MVB12B: variants seen among roughly 807,000 people sequenced by gnomAD.
The protein encoded by MVB12B is multivesicular body subunit 12B, also known as ESCRT-I complex subunit MVB12B.
A neutral mutation model predicts 41.6 loss-of-function variants in MVB12B; 16 were observed. The observed-to-expected ratio is 0.38, with a 90% CI of 0.26 to 0.58. The LOEUF (loss-of-function observed/expected upper bound fraction) is 0.58. Among genes scored for constraint, MVB12B ranks in the 20% least tolerant of loss-of-function variants. The pLI, the probability that MVB12B is intolerant of heterozygous loss-of-function variation, is 0.62. For missense variants in MVB12B, 274 were observed against 380.2 expected (o/e 0.72, Z 2.32); for synonymous variants, 133 against 139.7 (o/e 0.95, Z 0.34).
chr9:126,392,257 A>G lies in MVB12B; in HGVS notation c.539+62A>G. On this transcript the variant is annotated intron_variant, in intron 5 of 9. Transcript: ENST00000361171. This position sits in a 1 kb window ranked among gnomAD's most constrained non-coding sequence, Gnocchi z 4.8. ...TCCCTGAGAGCACTCAGGCCACTCC[A>G]GGCAATGAGGTCCAAGAGATTTCCA... 6.3e-7 allele frequency: 1 copy of G among 1,589,452 alleles called. No individual in the cohort carries two copies. Among genetic ancestry groups the G allele is most frequent in the Non-Finnish European group, 8.6e-7 (1 of 1,160,896 alleles).
intron 2 of MVB12B, among the ~76,000 whole-genome samples, chr9:126,378,255 C>T (rs559184533): frequency 3.1e-4 from 47 of 152,332 alleles, no homozygotes; most frequent in African/African-American, 8.9e-4. Flanking sequence ...GGTGGAGGCT[C>T]CTCTTGACAC....
At chr9:126,338,182 C>T (rs1564279047) in intron 1 of MVB12B, among the ~76,000 whole-genome samples, 1 of 152,218 alleles carries the variant, frequency 6.6e-6, no homozygotes, top group Non-Finnish European at 1.5e-5. Flanking sequence ...GGCACAGCAG[C>T]TGGGGGGAAG....
chr9:126,410,719 C>A (rs1231766752), intron 6 of MVB12B, among the ~76,000 whole-genome samples: 1 of 152,066 alleles, frequency 6.6e-6, no homozygotes, highest in Non-Finnish European at 1.5e-5. Context: ...GGGCCACTGT[C>A]TAGACTCTTG....
At chr9:126,494,232 A>G (rs886567403) in intron 9 of MVB12B, among the ~76,000 whole-genome samples, 7 of 152,250 alleles carry the variant, frequency 4.6e-5, no homozygotes, top group East Asian at 1.9e-4. Flanking sequence ...CTCCCCAAGC[A>G]TATTAATACG....
rs56078555 is a variant in MVB12B, at chr9:126,406,702, C to T, written c.662+11005C>T. 7.1e-3 allele frequency among the ~76,000 whole-genome samples: 1,076 copies of T among 152,228 alleles called. 12 individuals are homozygous for T. Among genetic ancestry groups the T allele is most frequent in the African/African-American group, 0.024 (1,003 of 41,544 alleles). ...TGGTCCCAGACTTGGCTTTTTTCTT[C>T]ATTTCTTTTATATGGGAGGTCGGTG... On this transcript the variant is annotated intron_variant, in intron 6 of 9. Coordinates refer to ENST00000361171, the MANE Select transcript of MVB12B (RefSeq NM_033446.3).
Position 126,389,884 on chromosome 9 carries a change from T to G in MVB12B, c.410-2182T>G, listed in dbSNP as rs1242830120. 6.6e-6 allele frequency among the ~76,000 whole-genome samples: 1 copy of G among 152,120 alleles called. No individual in the cohort carries two copies. The highest frequency in any genetic ancestry group is 1.5e-5 in the Non-Finnish European group (1 of 68,020). Reference sequence around the variant, plus strand: ...TTAGGGTCTGGATTCAGAACGTTGTTTCTCTCTGCTCGTAGATCTGCTCTA... The same window carrying G: ...TTAGGGTCTGGATTCAGAACGTTGTGTCTCTCTGCTCGTAGATCTGCTCTA... On this transcript the variant is annotated intron_variant, in intron 4 of 9. Transcript: ENST00000361171. This position sits in a 1 kb window ranked among gnomAD's most constrained non-coding sequence, Gnocchi z 4.4.
intron 3 of MVB12B, among the ~76,000 whole-genome samples, chr9:126,383,555 A>G (rs1389030080): frequency 6.6e-6 from 1 of 152,202 alleles, no homozygotes; most frequent in Non-Finnish European, 1.5e-5. Flanking sequence ...ATTACAGTAT[A>G]CTAGCAAATA....
intron 6 of MVB12B, chr9:126,397,282 A>G: frequency 1.0e-6 from 1 of 985,464 alleles, no homozygotes; most frequent in Non-Finnish European, 1.2e-6. Flanking sequence ...TCTCTCAGAT[A>G]AAGCAGAGAG....
At chr9:126,406,303 C>T (rs984696642) in intron 6 of MVB12B, among the ~76,000 whole-genome samples, 2 of 152,242 alleles carry the variant, frequency 1.3e-5, no homozygotes, top group African/African-American at 4.8e-5. Flanking sequence ...CTGTAGCCCA[C>T]ATTCCACCTC....
At chr9:126,409,621 C>T (rs886846040) in intron 6 of MVB12B, among the ~76,000 whole-genome samples, 9 of 152,316 alleles carry the variant, frequency 5.9e-5, no homozygotes, top group Middle Eastern at 3.4e-3. Flanking sequence ...TTTGCCACCA[C>T]GTGGCTCCCG....
chr9:126,327,792 T>C (rs985709889), intron 1 of MVB12B, among the ~76,000 whole-genome samples: 2 of 152,134 alleles, frequency 1.3e-5, no homozygotes, highest in Admixed American at 6.5e-5. Flanking sequence ...ACTCTTCTGT[T>C]CCCTGCCCCT....
At chr9:126,471,223 G>C (rs187752944) in intron 7 of MVB12B, among the ~76,000 whole-genome samples, 3 of 152,296 alleles carry the variant, frequency 2.0e-5, no homozygotes, top group Admixed American at 2.0e-4. Context: ...TCCTGTTGCT[G>C]TCTGATCCCT....
intron 7 of MVB12B, among the ~76,000 whole-genome samples, chr9:126,440,975 G>A (rs1320165709): frequency 6.6e-6 from 1 of 152,212 alleles, no homozygotes; most frequent in Non-Finnish European, 1.5e-5. Context: ...CGGAATTGGT[G>A]GATTGGTTTA....
At chr9:126,371,910 T>C (rs1459698138) in intron 2 of MVB12B, among the ~76,000 whole-genome samples, 1 of 152,200 alleles carries the variant, frequency 6.6e-6, no homozygotes, top group Non-Finnish European at 1.5e-5. Flanking sequence ...AAAGTTCACT[T>C]TTTAAGAGTG....
intron 1 of MVB12B, 101 bp downstream of exon 1, chr9:126,327,111 C>T: frequency 3.6e-6 from 1 of 277,534 alleles, no homozygotes; most frequent in South Asian, 1.2e-4. Context: ...GGCGGGCGGA[C>T]GGGAGGAGCC....
chr9:126,464,318 A>G (rs1400693688), intron 7 of MVB12B, among the ~76,000 whole-genome samples: 1 of 152,266 alleles, frequency 6.6e-6, no homozygotes, highest in Non-Finnish European at 1.5e-5. Context: ...AGAAAGGCCT[A>G]TCACAGATGG....
intron 4 of MVB12B, among the ~76,000 whole-genome samples, chr9:126,387,596 G>A (rs986950139): frequency 6.6e-6 from 1 of 152,166 alleles, no homozygotes; most frequent in Non-Finnish European, 1.5e-5. Context: ...AGACCCCGTT[G>A]TATAGCATAT....
In MVB12B at chr9:126,435,898, C is replaced by T. The variant is rs774746470; in HGVS notation, c.757+13950C>T. ...ACTGTGAAGGGTACGGCTGTAGATG[C>T]GGGGGGACTGCTTGTTTCTTCAGGC... On this transcript the variant is annotated intron_variant, in intron 7 of 9. Coordinates refer to ENST00000361171, the MANE Select transcript of MVB12B (RefSeq NM_033446.3). Among the ~76,000 whole-genome samples, 11 of 152,192 alleles carry T rather than the reference C, an allele frequency of 7.2e-5. No homozygotes were observed. In the South Asian group the frequency reaches 1.4e-3, roughly 20 times the overall value.
At chr9:126,331,409 A>AT (rs1260303981) in intron 1 of MVB12B, among the ~76,000 whole-genome samples, 1 of 152,076 alleles carries the variant, frequency 6.6e-6, no homozygotes, top group Non-Finnish European at 1.5e-5. Flanking sequence ...CTATTCGTAT[A>AT]TTGTCTTTGG....
Sources: gnomAD v4.1 joint callset for allele counts (sites outside exome capture counted in the v4.1 genomes callset) on GRCh38, gnomAD v4.1.1 for gene constraint, Gnocchi (gnomAD v3.1) non-coding constraint, MANE v1.5 for transcripts, NCBI Gene and HGNC (gene_info 2026-07-23, HGNC 2026-07-21) for gene names.